Variants in NOBOX observed in about 807,000 individuals in gnomAD.
NOBOX encodes NOBOX oogenesis homeobox, also known as homeobox protein NOBOX.
Under a neutral mutation model 60.2 loss-of-function variants are expected in NOBOX, and 46 were observed. The ratio of observed to expected loss-of-function variants is 0.76; its 90% CI spans 0.60 to 0.98. The LOEUF is 0.98. NOBOX is among the 50% of genes least tolerant of loss of function. The pLI is 0.00. For missense variants in NOBOX, 880 were observed against 865.5 expected, an observed-to-expected ratio of 1.02 and a Z score of -0.21; for synonymous variants, 360 against 346.3, an observed-to-expected ratio of 1.04 and a Z score of -0.44.
intron 4 of NOBOX, 79 bp from the exon 3 acceptor site, chr7:144,400,391 G>C (rs1014040751): frequency 1.1e-5 from 14 of 1,310,450 alleles, no homozygotes; most frequent in African/African-American, 1.4e-5. Context: ...TGCTCACCAA[G>C]TATCTCCAAC....
Position 144,400,326 on chromosome 7 carries a change from A to G in NOBOX, c.845-14T>C, listed in dbSNP as rs946347089. 2.5e-6 allele frequency: 4 copies of G among 1,612,462 alleles called. No homozygotes were observed. Among genetic ancestry groups the G allele is most frequent in the Non-Finnish European group, 3.4e-6 (4 of 1,178,816 alleles). On this transcript the variant is annotated splice_polypyrimidine_tract_variant and intron_variant, in intron 4 of 9. Coordinates refer to ENST00000467773, the MANE Select transcript of NOBOX (RefSeq NM_001080413.3). ...CCTCCAGCTGATCTGAAAGAAGAAG[A>G]AACTTGTGTGAGGAGGACAAATGCC...
At chr7:144,408,231 T>A (rs939952165) in intron 1 of NOBOX, among the ~76,000 whole-genome samples, 1 of 149,736 alleles carries the variant, frequency 6.7e-6, no homozygotes, top group African/African-American at 2.4e-5. Context: ...TATATCAGCA[T>A]GAAACTTTTT....
chr7:144,405,373 G>A (rs781279441), intron 1 of NOBOX, among the ~76,000 whole-genome samples: 8 of 152,138 alleles, frequency 5.3e-5, no homozygotes, highest in African/African-American at 1.4e-4. Flanking sequence ...ACCCAGGCAC[G>A]TCCTTGCTCA....
chr7:144,404,118 C>T lies in NOBOX; in HGVS notation c.210+438G>A, dbSNP rs1466621746. 2.6e-5 allele frequency among the ~76,000 whole-genome samples: 4 copies of T among 152,198 alleles called. No homozygotes were observed. The South Asian group carries it at 8.3e-4, about 32-fold the overall frequency. ...CTCAGTCCTGGATCGTGGCTAAAGCCCTTCCCTGTGGACTGTGGAAGGCGA... is the reference window on the plus strand; with the variant it reads ...CTCAGTCCTGGATCGTGGCTAAAGCTCTTCCCTGTGGACTGTGGAAGGCGA... On this transcript the variant is annotated intron_variant, in intron 2 of 9. Coordinates refer to ENST00000467773, the MANE Select transcript of NOBOX (RefSeq NM_001080413.3).
rs758568130 is a variant in NOBOX at position 144,399,008 on chromosome 7, C to T, written c.1411G>A (p.Asp471Asn). 5.0e-6 allele frequency: 8 copies of T among 1,589,184 alleles called. No homozygotes were observed. The highest frequency in any genetic ancestry group is 1.1e-5 in the South Asian group (1 of 87,464). Reference sequence around the variant, plus strand: ...TGGCTGCTGTCACTGCCAGCAACATCCATCAGCAGTGGCATCAGTTGGGGG... The same window carrying T: ...TGGCTGCTGTCACTGCCAGCAACATTCATCAGCAGTGGCATCAGTTGGGGG... Residue 471 changes from aspartate (D) to asparagine (N), a missense_variant, in exon 8 of 10, where the codon GAT (aspartate) becomes AAT (asparagine). Physicochemically the swap from Asp to Asn is conservative, Grantham distance 23. Transcript: ENST00000467773.
chr7:144,401,954 C>G lies in NOBOX; in HGVS notation c.211-4G>C, dbSNP rs375312683. ...TCTCTAAGGGATCATGTTGGGGCTG[C>G]GGATGGACCAGGAAGACAAAGAGAA... On this transcript the variant is annotated splice_polypyrimidine_tract_variant and splice_region_variant and intron_variant, in intron 2 of 9. Transcript: ENST00000467773. The surrounding 1 kb of genome is among the most constrained non-coding windows in gnomAD (Gnocchi z 4.2). The G allele has an allele frequency of 6.2e-7, 1 of 1,606,046 alleles. No homozygotes were observed. Among genetic ancestry groups the G allele is most frequent in the Non-Finnish European group, 8.5e-7 (1 of 1,173,160 alleles).
At chr7:144,403,251 T>A (rs2128862382) in intron 2 of NOBOX, among the ~76,000 whole-genome samples, 1 of 152,146 alleles carries the variant, frequency 6.6e-6, no homozygotes, top group South Asian at 2.1e-4. Flanking sequence ...CAAATTTGTT[T>A]TACAGCATTT....
chr7:144,403,782 CGGG>C (rs2053962056), intron 2 of NOBOX, 89 bp from the exon 1 acceptor site: 1 of 66,004 alleles, frequency 1.5e-5, no homozygotes, highest in Admixed American at 3.5e-4. Flanking sequence ...GCAGCCCGCA[CGGG>C]CCGGGCCGGG....
Position 144,398,451 on chromosome 7 carries a change from C to G in NOBOX, c.1605G>C (p.Leu535Phe). The G allele has an allele frequency of 6.5e-7, 1 of 1,537,188 alleles. No individual in the cohort carries two copies. The highest frequency in any genetic ancestry group is 8.7e-7 in the Non-Finnish European group (1 of 1,146,912). The stretch of plus-strand genomic sequence containing the variant: ...AGAAGGGGAAAGTGGGGAGGTAGGG[C>G]AACTTGGGCTGAGGGGACTGGAAAA... The change falls in exon 9 of 10, where the codon TTG becomes TTC. Residue 535 changes from leucine (L) to phenylalanine (F), a missense_variant. Coordinates refer to ENST00000467773, the MANE Select transcript of NOBOX (RefSeq NM_001080413.3).
In NOBOX at chr7:144,398,401, G is replaced by C; in HGVS notation, c.1655C>G (p.Pro552Arg). 1 of 1,537,248 alleles carries C rather than the reference G, an allele frequency of 6.5e-7. No individual in the cohort carries two copies. The highest frequency in any genetic ancestry group is 1.2e-5 in the South Asian group (1 of 84,048). ...CATAAAGAGAGAGTCTTCGGGCGGT[G>C]GAAGCGTCAGTGAACTGGGCATGGA... Residue 552 changes from proline (P) to arginine (R), a missense_variant, in exon 9 of 10, where the codon CCA (proline) becomes CGA (arginine). Transcript: ENST00000467773.
intron 1 of NOBOX, among the ~76,000 whole-genome samples, chr7:144,409,974 C>T (rs2054010441): frequency 6.6e-6 from 1 of 152,182 alleles, no homozygotes; most frequent in South Asian, 2.1e-4. Context: ...GGGTCTGTAC[C>T]AGTTCTGCTG....
At position 144,400,114 on chromosome 7, in the gene NOBOX, G is replaced by C. The variant is rs1370157582; in HGVS notation, c.1043C>G (p.Ala348Gly). 1.2e-6 allele frequency: 2 copies of C among 1,612,116 alleles called. No individual in the cohort carries two copies. The highest frequency in any genetic ancestry group is 2.7e-5 in the African/African-American group (2 of 75,060). ...AGGCCTCAATTCAGCTCCTACCCAG[G>C]CTACCGCTGAGCGCTCACTCTGCAA... Residue 348 changes from alanine (A) to glycine (G), a missense_variant, in exon 5 of 10, where the codon GCC becomes GGC. Ala to Gly is a moderately conservative substitution (Grantham distance 60, BLOSUM62 0). Transcript: ENST00000467773.
At chr7:144,398,859 C>A in intron 8 of NOBOX, 91 bp downstream of exon 6, 1 of 732,138 alleles carries the variant, frequency 1.4e-6, no homozygotes, top group Non-Finnish European at 2.4e-6. Context: ...TCTCAGTTAA[C>A]CCTCTCCTCT....
At position 144,399,877 on chromosome 7, in the gene NOBOX, G is replaced by T. The variant is rs1225860933; in HGVS notation, c.1048-14C>A. 1.9e-6 allele frequency: 3 copies of T among 1,596,080 alleles called. No individual in the cohort carries two copies. The highest frequency in any genetic ancestry group is 1.1e-5 in the South Asian group (1 of 89,932). ...CTGGAACCACACCTATGGGGGGAAA[G>T]GTGCTTGAAGAACTGGAGAAGAGGG... On this transcript the variant is annotated splice_polypyrimidine_tract_variant and intron_variant, in intron 5 of 9. Transcript: ENST00000467773.
At chr7:144,405,693 G>A (rs2053980638) in intron 1 of NOBOX, among the ~76,000 whole-genome samples, 1 of 152,142 alleles carries the variant, frequency 6.6e-6, no homozygotes, top group South Asian at 2.1e-4. Context: ...CAGTGGTGGT[G>A]TGTGTATGTC....
In NOBOX at chr7:144,399,520, T is replaced by C. The variant is rs376004423; in HGVS notation, c.1155-38A>G. ...AGAATGAAGACTGTAGCTTTGGTGG[T>C]CTCTGGATTTGCACAGGTGCCTCAT... is the stretch of plus-strand genomic sequence containing the variant. On this transcript the variant is annotated intron_variant, in intron 6 of 9. Coordinates refer to ENST00000467773, the MANE Select transcript of NOBOX (RefSeq NM_001080413.3). 107 of 1,507,682 alleles carry C rather than the reference T, an allele frequency of 7.1e-5. No individual in the cohort carries two copies. The African/African-American group carries it at 1.2e-3, about 18-fold the overall frequency. 93.4% of individuals were successfully genotyped at this position (1,507,682 alleles called of 1,614,324 possible). A position where few individuals can be genotyped will look rare whatever the true frequency, so the allele number is the denominator to read the frequency against.
intron 5 of NOBOX, 138 bp downstream of exon 3, chr7:144,400,068 T>A (rs749570162): frequency 1.3e-6 from 2 of 1,582,946 alleles, no homozygotes; most frequent in Non-Finnish European, 1.7e-6. Flanking sequence ...CTGGAAACAG[T>A]CAGGGACACA....
chr7:144,405,543 A>G (rs1223943487), intron 1 of NOBOX, among the ~76,000 whole-genome samples: 1 of 152,170 alleles, frequency 6.6e-6, no homozygotes, highest in Non-Finnish European at 1.5e-5. Context: ...CACGTGGGCT[A>G]TGAGCTGTGG....
At chr7:144,408,237 T>TTC (rs1491283097) in intron 1 of NOBOX, among the ~76,000 whole-genome samples, 27 of 104,606 alleles carry the variant, frequency 2.6e-4, no homozygotes, top group African/African-American at 7.9e-4. Context: ...AGCATGAAAC[T>TTC]TTTTTTTTTT....
Sources: allele counts gnomAD v4.1 joint callset (sites outside exome capture counted in the v4.1 genomes callset), GRCh38; gene constraint gnomAD v4.1.1; non-coding constraint Gnocchi (gnomAD v3.1); transcripts MANE v1.5; gene names NCBI Gene and HGNC (gene_info 2026-07-23, HGNC 2026-07-21).